The following FGF13 variants were observed in gnomAD, a reference collection of about 807,000 sequenced individuals.
FGF13 encodes fibroblast growth factor homologous factor 2.
FGF13 carries 2 observed loss-of-function variants against 19.5 expected under a neutral mutation model. The ratio of observed to expected loss-of-function variants is 0.10; its 90% confidence interval spans 0.04 to 0.32. FGF13 has a LOEUF of 0.32. Ranked by LOEUF, FGF13 falls within the 10% of genes least tolerant of loss-of-function variation. The pLI is 1.00. For missense variants in FGF13, 113 were observed against 192.7 expected (o/e 0.59, Z 2.45); for synonymous variants, 72 against 76.9 (o/e 0.94, Z 0.33).
intron 1 of FGF13, among the ~76,000 whole-genome samples, chrX:139,165,602 G>A (rs1348286625): frequency 9.0e-6 from 1 of 111,500 alleles, no homozygotes; most frequent in African/African-American, 3.3e-5. Context: ...GGCCTGGGTG[G>A]CCTCCAAAAG....
In FGF13 at chrX:139,021,238, T is replaced by C. The variant is rs758693621; in HGVS notation, c.-112-156588A>G. On this transcript the variant is annotated intron_variant, in intron 1 of 2. Transcript: ENST00000421460. ...AAATTAAGAGATATGCTTTTGGAGG[T>C]AAATTTTGGGCTGCCATCCCCTAAA... 2.8e-3 allele frequency among the ~76,000 whole-genome samples: 310 copies of C among 111,052 alleles called. 1 individual carries two copies. Among genetic ancestry groups the C allele is most frequent in the Non-Finnish European group, 5.0e-3 (266 of 52,812 alleles).
At chrX:138,731,870 A>ATGCTACAGACATTAAAAAGG (rs2090234719) in intron 1 of FGF13, among the ~76,000 whole-genome samples, 1 of 111,475 alleles carries the variant, frequency 9.0e-6, no homozygotes, top group Non-Finnish European at 1.9e-5. Context: ...CATTAAAAAG[A>ATGCTACAGACATTAAAAAGG]TACTAAAGAG....
intron 3 of FGF13, among the ~76,000 whole-genome samples, chrX:138,833,694 G>A (rs991579433): frequency 1.8e-5 from 2 of 111,738 alleles, no homozygotes; most frequent in Non-Finnish European, 3.8e-5. Context: ...CCAATACTAC[G>A]TTGAATAAGA....
At chrX:138,806,820 A>G (rs2090871822) in intron 3 of FGF13, 1 of 111,526 alleles carries the variant, frequency 9.0e-6, no homozygotes, top group Non-Finnish European at 1.9e-5. Flanking sequence ...CACTCAGGAG[A>G]GATAGCTCAG....
At chrX:138,968,335 T>C (rs1392218991) in intron 1 of FGF13, among the ~76,000 whole-genome samples, 1 of 112,534 alleles carries the variant, frequency 8.9e-6, no homozygotes, top group East Asian at 2.8e-4. Context: ...TTCTTGACTA[T>C]GCAATCCTAC....
At chrX:138,992,377 T>C (rs2092020415) in intron 1 of FGF13, among the ~76,000 whole-genome samples, 1 of 111,635 alleles carries the variant, frequency 9.0e-6, no homozygotes, top group Admixed American at 9.6e-5. Context: ...TATTTTTGCA[T>C]ATGGAATTTC....
intron 1 of FGF13, among the ~76,000 whole-genome samples, chrX:139,081,705 T>C (rs1331976937): frequency 2.1e-5 from 2 of 96,807 alleles, no homozygotes; most frequent in Non-Finnish European, 4.0e-5. Flanking sequence ...ACCAGAAACC[T>C]TGGAGCCATT....
rs56821859 is a variant in FGF13, at chrX:139,100,041, A to AACACACACACACAC, written c.-113+103361_-113+103374dup. ...ATCCTTCCCATTACTGGGGAAAGCA[A>AACACACACACACAC]ACACACACACACACACACACACACA... On this transcript the variant is annotated intron_variant, in intron 1 of 2. Coordinates refer to the FGF13 transcript ENST00000421460. Among the ~76,000 whole-genome samples the AACACACACACACAC allele has an allele frequency of 6.6e-3, 503 of 76,379 alleles. 11 individuals are homozygous for AACACACACACACAC. The highest frequency in any genetic ancestry group is 0.016 in the Middle Eastern group (2 of 128). The allele number at this position is 76,379 out of a possible 115,157, so 66.3% of individuals were successfully genotyped here. A position where few individuals can be genotyped will look rare whatever the true frequency, so the allele number is the denominator to read the frequency against.
chrX:139,029,034 C>A (rs1041990374), intron 1 of FGF13, among the ~76,000 whole-genome samples: 1 of 110,672 alleles, frequency 9.0e-6, no homozygotes, highest in Non-Finnish European at 1.9e-5. Flanking sequence ...TTTTTTCTCT[C>A]AAAGTCTCAA....
At chrX:138,982,106 G>T (rs2091966195) in intron 1 of FGF13, among the ~76,000 whole-genome samples, 1 of 111,903 alleles carries the variant, frequency 8.9e-6, no homozygotes, top group South Asian at 3.8e-4. Flanking sequence ...ATGGTTGAAG[G>T]ATATAATCAA....
At chrX:139,147,768 T>C (rs1412102961) in intron 1 of FGF13, among the ~76,000 whole-genome samples, 1 of 110,958 alleles carries the variant, frequency 9.0e-6, no homozygotes, top group Non-Finnish European at 1.9e-5. Context: ...TCTTTCTCCT[T>C]ATAAAGACAC....
intron 1 of FGF13, among the ~76,000 whole-genome samples, chrX:139,122,227 A>G (rs1202849135): frequency 8.9e-6 from 1 of 112,215 alleles, no homozygotes; most frequent in Admixed American, 9.5e-5. Context: ...AATAAAAGAC[A>G]GGATTAATAC....
At chrX:138,879,149 T>C (rs2091408608) in intron 1 of FGF13, among the ~76,000 whole-genome samples, 2 of 111,884 alleles carry the variant, frequency 1.8e-5, no homozygotes, top group Non-Finnish European at 3.8e-5. Context: ...CATGTTCTTA[T>C]TGGACATTTG....
At position 139,170,021 on chromosome X, in the gene FGF13, C is replaced by T. The variant is rs1272049458; in HGVS notation, c.-113+33395G>A. 1.8e-5 allele frequency among the ~76,000 whole-genome samples: 2 copies of T among 111,682 alleles called. 1 individual carries two copies. The highest frequency in any genetic ancestry group is 6.5e-5 in the African/African-American group (2 of 30,708). On this transcript the variant is annotated intron_variant, in intron 1 of 2. Coordinates refer to the FGF13 transcript ENST00000421460. ...GCAGGATTTCAAGGGAACAAGCAGGCTTGGATCCAAGCCCAATTCCCACCT... is the reference window on the plus strand; with the variant it reads ...GCAGGATTTCAAGGGAACAAGCAGGTTTGGATCCAAGCCCAATTCCCACCT...
At chrX:138,858,677 G>A (rs1847612736) in intron 2 of FGF13, among the ~76,000 whole-genome samples, 1 of 110,863 alleles carries the variant, frequency 9.0e-6, no homozygotes, top group Admixed American at 9.6e-5. Context: ...TACCCGAAAT[G>A]CATACACTTA....
chrX:138,778,039 G>A (rs768275596), intron 3 of FGF13, among the ~76,000 whole-genome samples: 1 of 112,029 alleles, frequency 8.9e-6, no homozygotes, highest in African/African-American at 3.2e-5. Context: ...TTGAAAAGGT[G>A]GGGGTAGGAG....
At chrX:138,732,834 T>C (rs1297011899) in intron 1 of FGF13, among the ~76,000 whole-genome samples, 1 of 111,321 alleles carries the variant, frequency 9.0e-6, no homozygotes, top group East Asian at 2.8e-4. Flanking sequence ...AGTGAGTCAC[T>C]GGTGCAGAAG....
intron 1 of FGF13, among the ~76,000 whole-genome samples, chrX:139,141,285 G>A (rs1343594242): frequency 9.0e-6 from 1 of 111,599 alleles, no homozygotes; most frequent in Non-Finnish European, 1.9e-5. Context: ...GGAATTCACT[G>A]TCTATTTTAT....
chrX:139,030,604 A>G lies in FGF13; in HGVS notation c.-112-165954T>C, dbSNP rs892197205. Among the ~76,000 whole-genome samples the G allele has an allele frequency of 5.4e-5, 6 of 111,662 alleles. No homozygotes were observed. The Admixed American group carries it at 5.7e-4, about 11-fold the overall frequency. On this transcript the variant is annotated intron_variant, in intron 1 of 2. Coordinates refer to the FGF13 transcript ENST00000421460. ...TTGCAGCCACCAGGGCTGCATGTCTAAAATGGCTATTTTACTCAAGTTTCT... is the reference window on the plus strand; with the variant it reads ...TTGCAGCCACCAGGGCTGCATGTCTGAAATGGCTATTTTACTCAAGTTTCT...
Sources: gnomAD v4.1 joint callset for allele counts (sites outside exome capture counted in the v4.1 genomes callset) on GRCh38, gnomAD v4.1.1 for gene constraint, MANE v1.5 for transcripts, NCBI Gene and HGNC (gene_info 2026-07-23, HGNC 2026-07-21) for gene names.